GAS2: variants seen among roughly 807,000 people sequenced by gnomAD.
GAS2 encodes growth arrest-specific protein 2.
In GAS2, 20 loss-of-function variants were observed where a neutral mutation model predicts 37.5. The ratio of observed to expected loss-of-function variants is 0.53; its 90% CI spans 0.37 to 0.77. The LOEUF is 0.77. Ranked by LOEUF, GAS2 falls within the 30% of genes least tolerant of loss-of-function variation. The pLI is 0.00. For missense variants in GAS2, 336 were observed against 373.4 expected (o/e 0.90, Z 0.82); for synonymous variants, 144 against 132.2 (o/e 1.09, Z -0.61).
intron 7 of GAS2, among the ~76,000 whole-genome samples, chr11:22,797,356 T>C (rs1452521333): frequency 6.6e-6 from 1 of 151,932 alleles, no homozygotes; most frequent in African/African-American, 2.4e-5. Flanking sequence ...CTGAATTCCC[T>C]CCCCCACCAG....
chr11:22,719,221 T>C lies in GAS2; in HGVS notation c.268-7071T>C, dbSNP rs115851819. On this transcript the variant is annotated intron_variant, in intron 3 of 7. Transcript: ENST00000454584. ...TTAGCAATTATTATGTGATACATTG[T>C]TATTAATAATAGTCACCAGGTTGTA... is the stretch of plus-strand genomic sequence containing the variant. 7.2e-3 allele frequency among the ~76,000 whole-genome samples: 1,099 copies of C among 152,192 alleles called. 21 individuals carry two copies. Among genetic ancestry groups the C allele is most frequent in the African/African-American group, 0.025 (1,041 of 41,510 alleles).
At chr11:22,658,275 C>T (rs915802266) in intron 1 of GAS2, among the ~76,000 whole-genome samples, 2 of 152,044 alleles carry the variant, frequency 1.3e-5, no homozygotes, top group Admixed American at 6.6e-5. Context: ...ATGATCTGCC[C>T]GCCTCAGCTT....
intron 5 of GAS2, among the ~76,000 whole-genome samples, chr11:22,745,485 G>T (rs112650214): frequency 1.3e-5 from 2 of 152,024 alleles, no homozygotes; most frequent in African/African-American, 4.8e-5. Flanking sequence ...AGATTTAAAC[G>T]TAAGACTTCA....
intron 7 of GAS2, among the ~76,000 whole-genome samples, chr11:22,765,198 A>G (rs1291977913): frequency 1.3e-5 from 2 of 152,168 alleles, no homozygotes; most frequent in African/African-American, 4.8e-5. Context: ...ATATGTATGT[A>G]TATATAGTGT....
chr11:22,667,960 G>A (rs1379723172), intron 1 of GAS2: 1 of 152,184 alleles, frequency 6.6e-6, no homozygotes, highest in Non-Finnish European at 1.5e-5. Context: ...TAGATCAGTT[G>A]TGTATGAGAG....
At chr11:22,675,593 C>A (rs1849389792) in intron 2 of GAS2, among the ~76,000 whole-genome samples, 1 of 152,132 alleles carries the variant, frequency 6.6e-6, no homozygotes, top group African/African-American at 2.4e-5. Context: ...GGTAAAGATT[C>A]CTCTCCTTTT....
intron 7 of GAS2, among the ~76,000 whole-genome samples, chr11:22,779,340 T>C (rs1027460578): frequency 6.6e-6 from 1 of 152,216 alleles, no homozygotes; most frequent in Non-Finnish European, 1.5e-5. Context: ...GTTTGTTCTG[T>C]AGCCATATTG....
At chr11:22,759,008 G>A (rs1034493756) in intron 7 of GAS2, among the ~76,000 whole-genome samples, 5 of 151,596 alleles carry the variant, frequency 3.3e-5, no homozygotes, top group African/African-American at 9.7e-5. Context: ...AACTAAGCCA[G>A]GGTTAACAAT....
At position 22,790,590 on chromosome 11, in the gene GAS2, A is replaced by ATT. The variant is rs58284244; in HGVS notation, c.724-21190_724-21189dup. On this transcript the variant is annotated intron_variant, in intron 7 of 7. Transcript: ENST00000454584. ...TATCCTCAATGTTTTCTTCTTCTCT[A>ATT]TTTTTTTTTTTTTTTTTTTGACAGA... is the stretch of plus-strand genomic sequence containing the variant. Among the ~76,000 whole-genome samples the ATT allele has an allele frequency of 1.3e-3, 150 of 111,790 alleles. 4 individuals are homozygous for ATT. The highest frequency in any genetic ancestry group is 3.7e-3 in the African/African-American group (116 of 31,324). The allele number at this position is 111,790 out of a possible 152,430, so 73.3% of individuals were successfully genotyped here.
At chr11:22,718,576 G>A (rs1851799604) in intron 3 of GAS2, among the ~76,000 whole-genome samples, 1 of 151,932 alleles carries the variant, frequency 6.6e-6, no homozygotes, top group Non-Finnish European at 1.5e-5. Context: ...CACTGCTCAA[G>A]TGATGGGTGC....
At chr11:22,655,895 T>C (rs1272667139) in intron 1 of GAS2, among the ~76,000 whole-genome samples, 1 of 152,222 alleles carries the variant, frequency 6.6e-6, no homozygotes, top group African/African-American at 2.4e-5. Flanking sequence ...AATTATTAAA[T>C]AGTTCTGAGG....
chr11:22,628,774 C>T (rs1020860333), intron 1 of GAS2, among the ~76,000 whole-genome samples: 19 of 152,136 alleles, frequency 1.2e-4, no homozygotes, highest in African/African-American at 4.3e-4. Context: ...ATTTTTATCC[C>T]TCACCCCATC....
Position 22,657,128 on chromosome 11 carries a change from T to G in GAS2, c.-20-17722T>G, listed in dbSNP as rs1450140116. 2.6e-5 allele frequency among the ~76,000 whole-genome samples: 4 copies of G among 152,322 alleles called. 1 individual carries two copies. In the South Asian group the frequency reaches 6.2e-4, roughly 24 times the overall value. On this transcript the variant is annotated intron_variant, in intron 1 of 5. Coordinates refer to the GAS2 transcript ENST00000528582. ...CTAAGTGGTCAGTCTAAAAACAGAC[T>G]TCTTCATCTCTTACTGATTTGTAAA...
chr11:22,776,364 C>G (rs1393405362), intron 7 of GAS2, among the ~76,000 whole-genome samples: 2 of 152,006 alleles, frequency 1.3e-5, no homozygotes. Context: ...TAGGTATGGG[C>G]CAGATTTGTT....
At chr11:22,654,676 G>A (rs542340219) in intron 1 of GAS2, among the ~76,000 whole-genome samples, 4 of 152,136 alleles carry the variant, frequency 2.6e-5, no homozygotes, top group Non-Finnish European at 5.9e-5. Context: ...AATTACAAAT[G>A]TAAGCCATCA....
chr11:22,658,565 A>T (rs575389135), intron 1 of GAS2, among the ~76,000 whole-genome samples: 1 of 152,224 alleles, frequency 6.6e-6, no homozygotes, highest in Non-Finnish European at 1.5e-5. Context: ...ATCCAAAAAA[A>T]ATCTAGGGGG....
At chr11:22,675,417 C>T (rs1849381339) in intron 2 of GAS2, among the ~76,000 whole-genome samples, 1 of 152,144 alleles carries the variant, frequency 6.6e-6, no homozygotes, top group Non-Finnish European at 1.5e-5. Context: ...TACAGCACAC[C>T]TTCTAAAACT....
intron 7 of GAS2, among the ~76,000 whole-genome samples, chr11:22,781,877 G>A (rs149813006): frequency 5.1e-4 from 77 of 152,234 alleles, no homozygotes; most frequent in African/African-American, 1.5e-3. Context: ...GTTTTAGAAA[G>A]ACAATGGAAC....
Position 22,809,709 on chromosome 11 carries a change from G to T in GAS2, c.724-2089G>T, listed in dbSNP as rs556798222. 5.3e-4 allele frequency among the ~76,000 whole-genome samples: 79 copies of T among 150,078 alleles called. No homozygotes were observed. The East Asian group carries it at 0.015, about 28-fold the overall frequency. On this transcript the variant is annotated intron_variant, in intron 7 of 7. Transcript: ENST00000454584. ...GGGTTTCACCATATTGGTCAGGATG[G>T]TCTCAAACTCCTGACCTCAGGTGAT...
Sources: gnomAD v4.1 joint callset for allele counts (sites outside exome capture counted in the v4.1 genomes callset) on GRCh38, gnomAD v4.1.1 for gene constraint, MANE v1.5 for transcripts, NCBI Gene and HGNC (gene_info 2026-07-23, HGNC 2026-07-21) for gene names.